SYNE2: variants seen among roughly 807,000 people sequenced by gnomAD.
The protein encoded by SYNE2 is spectrin repeat containing nuclear envelope protein 2.
Under a neutral mutation model 856.3 loss-of-function variants are expected in SYNE2, and 431 were observed. The ratio of observed to expected loss-of-function variants is 0.50; its 90% CI spans 0.47 to 0.55. The LOEUF (loss-of-function observed/expected upper bound fraction) is 0.55. Among genes scored for constraint, SYNE2 ranks in the 20% least tolerant of loss-of-function variants. The pLI is 0.00. For synonymous variants in SYNE2, 2,923 were observed against 2,872.3 expected, an observed-to-expected ratio of 1.02 and a Z score of -0.56; for missense variants, 8,129 against 8,023.2, an observed-to-expected ratio of 1.01 and a Z score of -0.50.
chr14:64,190,737 G>A, intron 99 of SYNE2: 1 of 662,074 alleles, frequency 1.5e-6, no homozygotes, highest in Non-Finnish European at 2.7e-6. Flanking sequence ...GTCTCCCATG[G>A]GTGTCTTGTC....
intron 8 of SYNE2, among the ~76,000 whole-genome samples, chr14:63,955,127 C>T (rs2096224923): frequency 6.6e-6 from 1 of 152,202 alleles, no homozygotes; most frequent in Non-Finnish European, 1.5e-5. Flanking sequence ...TGAAAGCAAA[C>T]AGTGCTGTTA....
At chr14:64,106,283 T>C (rs902708032) in intron 64 of SYNE2, among the ~76,000 whole-genome samples, 1 of 152,190 alleles carries the variant, frequency 6.6e-6, no homozygotes, top group Non-Finnish European at 1.5e-5. Context: ...TGCGACTTGC[T>C]TGTTCCTACC....
rs2096939878 is a variant in SYNE2, at chr14:64,022,105, T to A, written c.5524+77T>A. On this transcript the variant is annotated intron_variant, in intron 37 of 115. Transcript: ENST00000555002. Reference sequence around the variant, plus strand: ...GTAGTACTGTGAACACAAAAGCTAATCTAAGCCTGACTTAGAGATGGTTTG... The same window carrying A: ...GTAGTACTGTGAACACAAAAGCTAAACTAAGCCTGACTTAGAGATGGTTTG... 9 of 1,390,046 alleles carry A rather than the reference T, an allele frequency of 6.5e-6. No homozygotes were observed. In the Admixed American group the frequency reaches 1.5e-4, roughly 24 times the overall value. 86.1% of individuals were successfully genotyped at this position (1,390,046 alleles called of 1,614,324 possible).
At chr14:64,061,425 A>G (rs2097316215) in intron 49 of SYNE2, among the ~76,000 whole-genome samples, 1 of 152,206 alleles carries the variant, frequency 6.6e-6, no homozygotes, top group Non-Finnish European at 1.5e-5. Context: ...ACAAAAGGTT[A>G]TGTACATCTT....
chr14:64,118,632 G>T (rs1044850735), intron 66 of SYNE2, among the ~76,000 whole-genome samples: 1 of 152,174 alleles, frequency 6.6e-6, no homozygotes, highest in African/African-American at 2.4e-5. Context: ...GGAGGCCTAG[G>T]TGGGCAGATC....
rs375353356 is a variant in SYNE2, at chr14:63,764,943, G to A, written c.-305+2957G>A. Among the ~76,000 whole-genome samples the A allele has an allele frequency of 3.3e-5, 5 of 152,214 alleles. No homozygotes were observed. The South Asian group carries it at 1.0e-3, about 32-fold the overall frequency. On this transcript the variant is annotated intron_variant, in intron 1 of 23. Transcript: ENST00000674003. ...GGAGTGGGCAACAGAGTAAGACCTT[G>A]TCTCAAAACAAAACAAAACAAAGTG... is the stretch of plus-strand genomic sequence containing the variant.
intron 57 of SYNE2, among the ~76,000 whole-genome samples, chr14:64,082,925 G>A (rs1595396023): frequency 6.6e-6 from 1 of 152,088 alleles, no homozygotes; most frequent in Non-Finnish European, 1.5e-5. Context: ...TTGAGGCCTC[G>A]GCTGCAAAAC....
intron 2 of SYNE2, among the ~76,000 whole-genome samples, chr14:63,939,890 C>T: frequency 6.6e-6 from 1 of 152,148 alleles, no homozygotes; most frequent in East Asian, 1.9e-4. Context: ...ATATATTCTC[C>T]ATGATAAATG....
At chr14:63,811,540 G>A (rs1566581187) in intron 1 of SYNE2, among the ~76,000 whole-genome samples, 1 of 152,314 alleles carries the variant, frequency 6.6e-6, no homozygotes, top group East Asian at 1.9e-4. Flanking sequence ...TGGAATTACA[G>A]GAATGAGCCA....
chr14:64,053,786 A>G, intron 48 of SYNE2, 129 bp downstream of exon 48: 2 of 824,168 alleles, frequency 2.4e-6, no homozygotes, highest in Non-Finnish European at 3.7e-6. Flanking sequence ...CAACATGGCA[A>G]AACTGCATGT....
At chr14:64,083,301 T>A (rs2153615036) in intron 57 of SYNE2, among the ~76,000 whole-genome samples, 1 of 152,194 alleles carries the variant, frequency 6.6e-6, no homozygotes, top group East Asian at 1.9e-4. Context: ...TTGTCATTTT[T>A]AAACTCTTTA....
Position 64,024,473 on chromosome 14 carries a change from A to G in SYNE2, c.5840+14A>G. 1 of 1,610,740 alleles carries G rather than the reference A, an allele frequency of 6.2e-7. No individual in the cohort carries two copies. The highest frequency in any genetic ancestry group is 8.5e-7 in the Non-Finnish European group (1 of 1,177,430). On this transcript the variant is annotated intron_variant, in intron 39 of 115. Coordinates refer to ENST00000555002, the MANE Select transcript of SYNE2 (RefSeq NM_182914.3). ...GCAGCTACTGAGGTAGGAAATAAAGATGATATCTAAATAACATGTTTTCTA... is the reference window on the plus strand; with the variant it reads ...GCAGCTACTGAGGTAGGAAATAAAGGTGATATCTAAATAACATGTTTTCTA...
intron 61 of SYNE2, among the ~76,000 whole-genome samples, chr14:64,096,816 T>C (rs537177694): frequency 6.6e-6 from 1 of 152,316 alleles, no homozygotes; most frequent in South Asian, 2.1e-4. Flanking sequence ...TTCTCTGTTT[T>C]GTAAGAAAAT....
chr14:64,127,428 TAAAAAA>T (rs558250905), intron 73 of SYNE2, among the ~76,000 whole-genome samples: 38 of 151,764 alleles, frequency 2.5e-4, no homozygotes, highest in Non-Finnish European at 5.2e-4. Flanking sequence ...AGTAAAAAAA[TAAAAAA>T]TAAAAAAAGT....
At chr14:63,803,252 C>T (rs965907192) in intron 1 of SYNE2, among the ~76,000 whole-genome samples, 21 of 152,220 alleles carry the variant, frequency 1.4e-4, no homozygotes, top group Non-Finnish European at 2.9e-5. Flanking sequence ...GCCAGTCCAG[C>T]GCGGTGCGCT....
rs1457596420 is a variant in SYNE2, at chr14:63,976,712, A to G, written c.1278A>G (p.Lys426=). The G allele has an allele frequency of 6.2e-7, 1 of 1,613,818 alleles. No homozygotes were observed. The highest frequency in any genetic ancestry group is 1.7e-5 in the Admixed American group (1 of 59,968). ...AAGCCGTGACTCTGATACAAGAGAA[A>G]ATGACTTTATTCAAGGTTGGAAAAG... ...HSQAVTLIQE[K]MTLFKSLMDR... is the part of the protein sequence containing the mutation. Residue 426 remains lysine (K), a synonymous_variant, in exon 12 of 116, where the codon AAA becomes AAG. Coordinates refer to ENST00000555002, the MANE Select transcript of SYNE2 (RefSeq NM_182914.3).
intron 11 of SYNE2, among the ~76,000 whole-genome samples, chr14:63,975,086 CT>C (rs1268528284): frequency 6.6e-6 from 1 of 151,076 alleles, no homozygotes; most frequent in Non-Finnish European, 1.5e-5. Flanking sequence ...AGAGCTGTGG[CT>C]TTTATTTATC....
At chr14:64,185,786 GC>G (rs1423766239) in intron 96 of SYNE2, among the ~76,000 whole-genome samples, 2 of 152,134 alleles carry the variant, frequency 1.3e-5, no homozygotes, top group Admixed American at 6.5e-5. Flanking sequence ...CTTCCAAAGT[GC>G]TGGGATTACA....
chr14:64,157,970 G>T (rs1383289483), intron 85 of SYNE2, among the ~76,000 whole-genome samples: 1 of 152,118 alleles, frequency 6.6e-6, no homozygotes, highest in Non-Finnish European at 1.5e-5. Flanking sequence ...ACATACTCTT[G>T]ATTGTATCTG....
Sources: gnomAD v4.1 joint callset for allele counts (sites outside exome capture counted in the v4.1 genomes callset) on GRCh38, gnomAD v4.1.1 for gene constraint, MANE v1.5 for transcripts, NCBI Gene and HGNC (gene_info 2026-07-23, HGNC 2026-07-21) for gene names.